GPD2: variants seen among roughly 807,000 people sequenced by gnomAD.
GPD2 encodes the protein glycerol-3-phosphate dehydrogenase 2, also known as glycerol-3-phosphate dehydrogenase, mitochondrial.
A neutral mutation model predicts 82.4 loss-of-function variants in GPD2; 54 were observed. That is an observed-to-expected ratio of 0.66 (90% CI 0.53 to 0.82). The LOEUF is 0.82. GPD2 is among the 40% of genes least tolerant of loss of function. The pLI is 0.00. For missense variants in GPD2, 748 were observed against 896.2 expected (o/e 0.83, Z 2.11); for synonymous variants, 288 against 306.1 (o/e 0.94, Z 0.62).
intron 3 of GPD2, among the ~76,000 whole-genome samples, chr2:156,499,808 T>C (rs1457811354): frequency 6.6e-6 from 1 of 151,094 alleles, no homozygotes; most frequent in Non-Finnish European, 1.5e-5. Context: ...TGTTTTTGGG[T>C]GGTTTTTTTT....
chr2:156,527,828 A>C (rs1373342985), intron 6 of GPD2, among the ~76,000 whole-genome samples: 1 of 152,076 alleles, frequency 6.6e-6, no homozygotes, highest in Non-Finnish European at 1.5e-5. Flanking sequence ...AGGAATTTTA[A>C]ATTTTCTTAG....
chr2:156,565,418 G>A (rs930419316), intron 9 of GPD2, among the ~76,000 whole-genome samples: 23 of 152,182 alleles, frequency 1.5e-4, no homozygotes, highest in African/African-American at 4.8e-4. Flanking sequence ...ATTGTGTAAA[G>A]CAGGAATTAA....
chr2:156,560,331 A>G (rs1331892579), intron 9 of GPD2, among the ~76,000 whole-genome samples: 2 of 152,218 alleles, frequency 1.3e-5, no homozygotes, highest in African/African-American at 2.4e-5. Flanking sequence ...TTCAATTAAC[A>G]TACCATTTTG....
At chr2:156,539,513 G>A (rs1310095027) in intron 6 of GPD2, among the ~76,000 whole-genome samples, 1 of 152,162 alleles carries the variant, frequency 6.6e-6, no homozygotes, top group African/African-American at 2.4e-5. Context: ...TTGATAAGGT[G>A]TGGAATCTTC....
chr2:156,455,313 A>G (rs1357743132), intron 1 of GPD2, among the ~76,000 whole-genome samples: 2 of 152,324 alleles, frequency 1.3e-5, no homozygotes, highest in Middle Eastern at 3.4e-3. Flanking sequence ...CCATGGTTCT[A>G]TCTAATCCTA....
At chr2:156,406,354 G>A in the GPD2 span, among the ~76,000 whole-genome samples, 50,534 of 151,966 alleles carry the variant, frequency 0.33, 8,807 homozygotes, top group East Asian at 0.56. Flanking sequence ...TCCTGCTCAC[G>A]ATATGCTCAT....
upstream of GPD2, among the ~76,000 whole-genome samples, chr2:156,433,563 T>C (rs1573861993): frequency 6.6e-6 from 1 of 152,238 alleles, no homozygotes; most frequent in East Asian, 1.9e-4. Context: ...CCACGAATGC[T>C]CCGGAGTCTG....
chr2:156,409,636 G>T, the GPD2 span, among the ~76,000 whole-genome samples: 17 of 152,274 alleles, frequency 1.1e-4, no homozygotes, highest in African/African-American at 4.1e-4. Context: ...GGAGTTTGAG[G>T]TTGCTGTGAG....
chr2:156,556,102 C>T (rs188932594), intron 8 of GPD2, among the ~76,000 whole-genome samples: 88 of 152,102 alleles, frequency 5.8e-4, no homozygotes, highest in Non-Finnish European at 1.5e-4. Flanking sequence ...ACAGTTGTTA[C>T]CCTCTCATTT....
At chr2:156,430,087 C>T in the GPD2 span, among the ~76,000 whole-genome samples, 1 of 151,908 alleles carries the variant, frequency 6.6e-6, no homozygotes, top group Admixed American at 6.6e-5. Context: ...CTAAACTGTA[C>T]CCAAATTAAA....
chr2:156,522,539 G>A (rs1685447774), intron 6 of GPD2, among the ~76,000 whole-genome samples: 1 of 152,106 alleles, frequency 6.6e-6, no homozygotes, highest in Non-Finnish European at 1.5e-5. Flanking sequence ...CTCTTCTCTT[G>A]ATTTACTCAT....
intron 6 of GPD2, among the ~76,000 whole-genome samples, chr2:156,536,613 A>C (rs1237633962): frequency 6.6e-6 from 1 of 152,194 alleles, no homozygotes; most frequent in Non-Finnish European, 1.5e-5. Context: ...TTGACTTTAA[A>C]ATGTGGATAC....
At chr2:156,497,621 G>A (rs1055698248) in intron 3 of GPD2, among the ~76,000 whole-genome samples, 7 of 151,814 alleles carry the variant, frequency 4.6e-5, no homozygotes, top group Non-Finnish European at 8.8e-5. Context: ...CTACTCTTAT[G>A]GAAATGAAAT....
chr2:156,551,186 C>CTA (rs374312929), intron 8 of GPD2, among the ~76,000 whole-genome samples: 1,233 of 118,094 alleles, frequency 0.01, 4 homozygotes, highest in Non-Finnish European at 0.015. Flanking sequence ...AGGTTTATAA[C>CTA]TTTTGAAATA....
chr2:156,552,894 CTTTT>C (rs771404828), intron 8 of GPD2, among the ~76,000 whole-genome samples: 2 of 107,354 alleles, frequency 1.9e-5, no homozygotes, highest in African/African-American at 7.5e-5. Context: ...TTCCTTATAT[CTTTT>C]TTTTTTTTTT....
At position 156,568,819 on chromosome 2, in the gene GPD2, T is replaced by C. The variant is rs778004460; in HGVS notation, c.1166-6T>C. ...GTTCATAACCCTTGGCATTGATTCC[T>C]ACCAGTGAGAAGAGGGGATGTCCTG... is the stretch of plus-strand genomic sequence containing the variant. On this transcript the variant is annotated splice_polypyrimidine_tract_variant and splice_region_variant and intron_variant, in intron 9 of 16. Coordinates refer to ENST00000438166, the MANE Select transcript of GPD2 (RefSeq NM_000408.5). 1.1e-5 allele frequency: 18 copies of C among 1,611,954 alleles called. No individual in the cohort carries two copies. Among genetic ancestry groups the C allele is most frequent in the Non-Finnish European group, 1.4e-5 (17 of 1,178,220 alleles).
At position 156,496,043 on chromosome 2, in the gene GPD2, G is replaced by C; in HGVS notation, c.103-1G>C. On this transcript the variant is annotated splice_acceptor_variant, in intron 2 of 16. Coordinates refer to ENST00000438166, the MANE Select transcript of GPD2 (RefSeq NM_000408.5). LOFTEE classifies it high-confidence loss of function. Reference sequence around the variant, plus strand: ...CTGAAAGTGATCTGCTTTTACATCAGATGAACCTGGCCTATGTTAAAGCAG... The same window carrying C: ...CTGAAAGTGATCTGCTTTTACATCACATGAACCTGGCCTATGTTAAAGCAG... The C allele has an allele frequency of 6.2e-7, 1 of 1,610,664 alleles. No homozygotes were observed. The highest frequency in any genetic ancestry group is 8.5e-7 in the Non-Finnish European group (1 of 1,177,574).
At chr2:156,530,036 G>A (rs1001585854) in intron 6 of GPD2, among the ~76,000 whole-genome samples, 14 of 150,518 alleles carry the variant, frequency 9.3e-5, no homozygotes, top group African/African-American at 3.2e-4. Context: ...GGGCAGTATG[G>A]CCATTTTCAC....
At chr2:156,447,218 C>T (rs1285863388) in intron 1 of GPD2, among the ~76,000 whole-genome samples, 1 of 152,192 alleles carries the variant, frequency 6.6e-6, no homozygotes, top group Admixed American at 6.5e-5. Context: ...TGCTCTCTTT[C>T]TCCTTTCCTT....
Sources: gnomAD v4.1 joint callset for allele counts (sites outside exome capture counted in the v4.1 genomes callset) on GRCh38, gnomAD v4.1.1 for gene constraint, MANE v1.5 for transcripts, NCBI Gene and HGNC (gene_info 2026-07-23, HGNC 2026-07-21) for gene names.